Variants in PRKCI observed in about 807,000 individuals in gnomAD.
The protein encoded by PRKCI is protein kinase C iota, also known as protein kinase C iota type.
PRKCI carries 43 observed loss-of-function variants against 84.0 expected under a neutral mutation model. The observed-to-expected ratio is 0.51, with a 90% CI of 0.40 to 0.66. The LOEUF (loss-of-function observed/expected upper bound fraction) is 0.66, where lower values mean the gene tolerates loss of function less well. PRKCI is among the 30% of genes least tolerant of loss of function. PRKCI has a pLI of 0.00. For missense variants in PRKCI, 459 were observed against 745.6 expected, an observed-to-expected ratio of 0.62 and a Z score of 4.48; for synonymous variants, 216 against 234.4, an observed-to-expected ratio of 0.92 and a Z score of 0.72.
chr3:170,297,873 T>A (rs762681045), intron 16 of PRKCI, among the ~76,000 whole-genome samples: 6 of 152,138 alleles, frequency 3.9e-5, no homozygotes, highest in Admixed American at 2.0e-4. Flanking sequence ...CAATTTTTTT[T>A]TAATTTATTA....
At chr3:170,231,522 T>C (rs1732794379) in intron 1 of PRKCI, among the ~76,000 whole-genome samples, 1 of 152,036 alleles carries the variant, frequency 6.6e-6, no homozygotes, top group East Asian at 1.9e-4. Flanking sequence ...TGGAGTGTAG[T>C]GGCGTGATCT....
chr3:170,300,841 T>A (rs769370512), intron 17 of PRKCI, among the ~76,000 whole-genome samples: 1 of 152,190 alleles, frequency 6.6e-6, no homozygotes, highest in Non-Finnish European at 1.5e-5. Flanking sequence ...CATTTGGTAC[T>A]CATGGCTTTG....
intron 2 of PRKCI, among the ~76,000 whole-genome samples, chr3:170,258,860 A>G (rs765258082): frequency 5.9e-5 from 9 of 152,340 alleles, no homozygotes; most frequent in Middle Eastern, 3.4e-3. Flanking sequence ...AAATGATTAC[A>G]TGGAGACTTC....
chr3:170,304,148 T>G lies in PRKCI; in HGVS notation c.*1021T>G, dbSNP rs1734896418. 6.6e-6 allele frequency: 1 copy of G among 152,218 alleles called. No homozygotes were observed. Among genetic ancestry groups the G allele is most frequent in the South Asian group, 2.1e-4 (1 of 4,834 alleles). 9.4% of individuals were successfully genotyped at this position (152,218 alleles called of 1,614,324 possible). On this transcript the variant is annotated 3_prime_UTR_variant, in exon 18 of 18. Transcript: ENST00000295797. ...TGAGCCTTTCCCTTTATTGGAAACT[T>G]TAACTGCAGTGTTAATATATACACT...
intron 3 of PRKCI, among the ~76,000 whole-genome samples, chr3:170,261,245 G>A (rs1361740046): frequency 1.3e-5 from 2 of 151,386 alleles, no homozygotes; most frequent in East Asian, 3.9e-4. Flanking sequence ...GATTAGAGGT[G>A]TGAACCACCA....
chr3:170,230,664 T>C (rs911362462), intron 1 of PRKCI, among the ~76,000 whole-genome samples: 1 of 152,214 alleles, frequency 6.6e-6, no homozygotes, highest in East Asian at 1.9e-4. Flanking sequence ...ATCTTTTCAG[T>C]GAATCTGGTA....
In PRKCI at chr3:170,273,325, G is replaced by T; in HGVS notation, c.631G>T (p.Asp211Tyr). The T allele has an allele frequency of 6.2e-7, 1 of 1,613,666 alleles. No homozygotes were observed. The highest frequency in any genetic ancestry group is 1.1e-5 in the South Asian group (1 of 91,032). Residue 211 changes from aspartate to tyrosine, a missense_variant, in exon 7 of 18, where the codon GAC becomes TAC. By Grantham distance (160) the Asp-to-Tyr change is radical (BLOSUM62 -3). Around this residue, in one of 2 missense-constraint regions of PRKCI, gnomAD observed 250 missense variants for 319.7 expected, o/e 0.78. Coordinates refer to ENST00000295797, the MANE Select transcript of PRKCI (RefSeq NM_002740.6). ...CATGGATCAGTCATCCATGCATTCT[G>T]ACCATGCACAGACAGGTAAGAGTGG... The part of the protein sequence containing the change: ...MPMDQSSMHS[D>Y]HAQTVIPYNP...
At chr3:170,267,015 C>A (rs1733875053) in intron 4 of PRKCI, among the ~76,000 whole-genome samples, 1 of 151,832 alleles carries the variant, frequency 6.6e-6, no homozygotes, top group Admixed American at 6.6e-5. Context: ...CACTTTGAGA[C>A]CAGTTAGGGA....
chr3:170,251,491 A>G (rs1349360460), intron 2 of PRKCI, among the ~76,000 whole-genome samples: 2 of 152,238 alleles, frequency 1.3e-5, no homozygotes, highest in Non-Finnish European at 2.9e-5. Context: ...ATAATGAGGT[A>G]TAAATAGTCA....
chr3:170,288,256 A>G (rs1734450149), intron 12 of PRKCI, among the ~76,000 whole-genome samples: 1 of 152,054 alleles, frequency 6.6e-6, no homozygotes, highest in Non-Finnish European at 1.5e-5. Context: ...AAAAAAAAAA[A>G]AAGGACTTTT....
intron 5 of PRKCI, among the ~76,000 whole-genome samples, chr3:170,269,958 CA>C (rs550260990): frequency 1.3e-3 from 178 of 132,474 alleles, no homozygotes; most frequent in East Asian, 1.3e-3. Flanking sequence ...AACTCTGTCT[CA>C]AAAAAAAAAA....
intron 17 of PRKCI, among the ~76,000 whole-genome samples, chr3:170,302,725 CTGTAACTAGGAA>C (rs1560188789): frequency 6.6e-6 from 1 of 152,140 alleles, no homozygotes; most frequent in African/African-American, 2.4e-5. Context: ...GGATGTTCAC[CTGTAACTAGGAA>C]TGTTGTTCTG....
At chr3:170,238,526 A>G (rs1733039477) in intron 2 of PRKCI, among the ~76,000 whole-genome samples, 1 of 148,182 alleles carries the variant, frequency 6.7e-6, no homozygotes, top group South Asian at 2.1e-4. Flanking sequence ...TTAATCCCTT[A>G]TCGATGGACA....
chr3:170,254,550 A>G (rs1190952728), intron 2 of PRKCI, among the ~76,000 whole-genome samples: 1 of 151,588 alleles, frequency 6.6e-6, no homozygotes, highest in South Asian at 2.1e-4. Context: ...TCCCAGCACT[A>G]TTTATTGACA....
chr3:170,299,951 T>A (rs948213317), intron 17 of PRKCI, among the ~76,000 whole-genome samples: 2 of 152,258 alleles, frequency 1.3e-5, no homozygotes, highest in African/African-American at 4.8e-5. Context: ...ATTGAGTTAT[T>A]AAATCCAGCC....
intron 3 of PRKCI, 109 bp from the exon 4 acceptor site, chr3:170,263,270 G>C: frequency 1.2e-6 from 1 of 803,502 alleles, no homozygotes; most frequent in Non-Finnish European, 2.1e-6. Flanking sequence ...AGTGAAGAGA[G>C]GGTCAGGTTG....
rs1734934831 is a variant in PRKCI, at chr3:170,305,483, T to A, written c.*2356T>A. 1 of 152,598 alleles carries A rather than the reference T, an allele frequency of 6.6e-6. No homozygotes were observed. Among genetic ancestry groups the A allele is most frequent in the South Asian group, 2.1e-4 (1 of 4,832 alleles). The allele number at this position is 152,598 out of a possible 1,614,324, so 9.5% of individuals were successfully genotyped here. ...CCCCAAAAAACCTCTCAGTAGTTTC[T>A]TTCAGTGTACAAAATGATGAGCATT... On this transcript the variant is annotated 3_prime_UTR_variant, in exon 18 of 18. Coordinates refer to ENST00000295797, the MANE Select transcript of PRKCI (RefSeq NM_002740.6).
At chr3:170,283,104 CAAAA>C (rs892905150) in intron 11 of PRKCI, among the ~76,000 whole-genome samples, 2 of 107,430 alleles carry the variant, frequency 1.9e-5, no homozygotes, top group Non-Finnish European at 2.0e-5. Flanking sequence ...GACTCCGTCT[CAAAA>C]AAAAAAAAAA....
intron 2 of PRKCI, among the ~76,000 whole-genome samples, chr3:170,239,874 G>A (rs980705925): frequency 5.9e-5 from 9 of 152,096 alleles, no homozygotes; most frequent in Non-Finnish European, 1.3e-4. Context: ...GTGGCTGAGT[G>A]CGGTGGCTCA....
Sources: allele counts gnomAD v4.1 joint callset (sites outside exome capture counted in the v4.1 genomes callset), GRCh38; gene constraint gnomAD v4.1.1; regional missense constraint gnomAD v4.1.1; transcripts MANE v1.5; gene names NCBI Gene and HGNC (gene_info 2026-07-23, HGNC 2026-07-21).